The following SRFBP1 variants were observed in gnomAD, a reference collection of about 807,000 sequenced individuals.
The protein encoded by SRFBP1 is serum response factor-binding protein 1.
Under a neutral mutation model 45.5 loss-of-function variants are expected in SRFBP1, and 47 were observed. The observed-to-expected ratio is 1.03, with a 90% confidence interval of 0.82 to 1.32. The LOEUF (loss-of-function observed/expected upper bound fraction) is 1.32, where lower values mean the gene tolerates loss of function less well. Ranked by LOEUF, SRFBP1 falls within the 40% of genes most tolerant of loss-of-function variation. SRFBP1 has a pLI of 0.00. For synonymous variants in SRFBP1, 203 were observed against 166.3 expected (o/e 1.22, Z -1.70); for missense variants, 621 against 484.6 (o/e 1.28, Z -2.64).
chr5:122,013,207 T>C (rs1753130123), intron 4 of SRFBP1, among the ~76,000 whole-genome samples: 2 of 152,150 alleles, frequency 1.3e-5, no homozygotes, highest in African/African-American at 4.8e-5. Flanking sequence ...TATTGTAATT[T>C]TTGAATATAT....
intron 4 of SRFBP1, among the ~76,000 whole-genome samples, chr5:122,015,117 T>C (rs1217034540): frequency 6.6e-6 from 1 of 152,190 alleles, no homozygotes; most frequent in Non-Finnish European, 1.5e-5. Context: ...ATCTTCTTTT[T>C]TCCTATAACC....
chr5:122,034,033 A>T (rs1310687295), intron 2 of SRFBP1, among the ~76,000 whole-genome samples: 2 of 151,906 alleles, frequency 1.3e-5, no homozygotes, highest in African/African-American at 4.8e-5. Context: ...CATGTGGGCC[A>T]GGCTGGTCTC....
downstream of SRFBP1, chr5:122,077,777 C>G: frequency 6.5e-7 from 1 of 1,548,960 alleles, no homozygotes. The surrounding 1 kb of genome is among the most constrained non-coding windows in gnomAD (Gnocchi z 4.9). Flanking sequence ...GCCCGGGTCC[C>G]GGCGGCGCTG....
chr5:122,071,373 G>A (rs188774827), intron 2 of SRFBP1, among the ~76,000 whole-genome samples: 1 of 152,088 alleles, frequency 6.6e-6, no homozygotes, highest in Non-Finnish European at 1.5e-5. Context: ...TCAAGGTCCA[G>A]AGTCCCTGTT....
intron 2 of SRFBP1, among the ~76,000 whole-genome samples, chr5:122,075,027 T>A (rs1457036476): frequency 6.6e-6 from 1 of 152,236 alleles, no homozygotes; most frequent in East Asian, 1.9e-4. Flanking sequence ...TCTTTGAGAA[T>A]GGTTTCTGAA....
intron 2 of SRFBP1, among the ~76,000 whole-genome samples, chr5:122,042,722 A>C (rs1361995844): frequency 2.0e-5 from 3 of 152,124 alleles, no homozygotes; most frequent in African/African-American, 7.2e-5. Context: ...ATAGGTTCCA[A>C]TGCATTGTGA....
At chr5:122,023,459 A>G (rs1753404224) in intron 7 of SRFBP1, among the ~76,000 whole-genome samples, 2 of 152,176 alleles carry the variant, frequency 1.3e-5, no homozygotes, top group South Asian at 2.1e-4. Context: ...ATGATATACC[A>G]TGTATCGAGT....
Position 121,990,615 on chromosome 5 carries a change from A to C in SRFBP1, c.199-3984A>C, listed in dbSNP as rs539037449. ...GGAAATAGACATTTAAAATGTTTCT[A>C]CTCTGGTCCAGTTCTGTTCAACATG... On this transcript the variant is annotated intron_variant, in intron 3 of 7. Coordinates refer to ENST00000339397, the MANE Select transcript of SRFBP1 (RefSeq NM_152546.3). Among the ~76,000 whole-genome samples, 65 of 152,230 alleles carry C rather than the reference A, an allele frequency of 4.3e-4. 1 individual carries two copies. In the South Asian group the frequency reaches 0.013, roughly 31 times the overall value.
chr5:122,016,322 A>G (rs999972291), intron 4 of SRFBP1, among the ~76,000 whole-genome samples: 3 of 149,954 alleles, frequency 2.0e-5, no homozygotes, highest in Non-Finnish European at 4.4e-5. Context: ...ACAGAAATGT[A>G]CAAGGATGTA....
intron 2 of SRFBP1, among the ~76,000 whole-genome samples, chr5:122,039,175 T>C (rs1229163887): frequency 6.6e-6 from 1 of 152,184 alleles, no homozygotes; most frequent in Non-Finnish European, 1.5e-5. Flanking sequence ...GAATGGCAGC[T>C]TCTATTATAA....
chr5:122,016,937 A>C (rs1366920097), intron 4 of SRFBP1, among the ~76,000 whole-genome samples: 1 of 152,110 alleles, frequency 6.6e-6, no homozygotes, highest in Non-Finnish European at 1.5e-5. Context: ...GTGGTTTAAA[A>C]CTATGTAAAT....
intron 4 of SRFBP1, among the ~76,000 whole-genome samples, chr5:121,998,673 A>G (rs910647930): frequency 8.6e-5 from 13 of 151,746 alleles, no homozygotes; most frequent in African/African-American, 3.1e-4. Flanking sequence ...AAAAAAAAAA[A>G]AAACTAAGAT....
At chr5:121,977,934 A>G (rs762671824) in intron 3 of SRFBP1, among the ~76,000 whole-genome samples, 1 of 152,280 alleles carries the variant, frequency 6.6e-6, no homozygotes, top group East Asian at 1.9e-4. Context: ...AATAGTGTCC[A>G]TACTTTTAAC....
chr5:122,049,142 G>T (rs950411516), intron 2 of SRFBP1, among the ~76,000 whole-genome samples: 1 of 151,698 alleles, frequency 6.6e-6, no homozygotes, highest in Admixed American at 6.6e-5. Context: ...TGATGTTAGG[G>T]TGTCAATACA....
At chr5:122,063,773 C>T (rs1430504848) in intron 2 of SRFBP1, 1 of 151,866 alleles carries the variant, frequency 6.6e-6, no homozygotes, top group Non-Finnish European at 1.5e-5. Flanking sequence ...TAAAGATTAA[C>T]TCTCAGTGCC....
At chr5:122,055,790 T>C (rs73795214) in intron 2 of SRFBP1, among the ~76,000 whole-genome samples, 18,638 of 152,176 alleles carry the variant, frequency 0.12, 1,234 homozygotes, top group Non-Finnish European at 0.14. Flanking sequence ...ACAATGAGGA[T>C]GGTTGCTATT....
At chr5:121,974,334 G>A in intron 2 of SRFBP1, 50 bp downstream of exon 2, 1 of 1,312,330 alleles carries the variant, frequency 7.6e-7, no homozygotes, top group Non-Finnish European at 1.1e-6. Flanking sequence ...GTCAAAAGTT[G>A]TTTTTATTTG....
intron 4 of SRFBP1, among the ~76,000 whole-genome samples, chr5:122,008,715 C>A (rs1753027332): frequency 6.6e-6 from 1 of 151,990 alleles, no homozygotes; most frequent in African/African-American, 2.4e-5. Flanking sequence ...CAGGTATGAG[C>A]CCTAGAGAGT....
At chr5:121,989,412 A>C (rs1401166882) in intron 3 of SRFBP1, among the ~76,000 whole-genome samples, 1 of 152,134 alleles carries the variant, frequency 6.6e-6, no homozygotes, top group Non-Finnish European at 1.5e-5. Context: ...CTGTCTGATT[A>C]ATCATTTTAC....
Sources: allele counts gnomAD v4.1 joint callset (sites outside exome capture counted in the v4.1 genomes callset), GRCh38; gene constraint gnomAD v4.1.1; non-coding constraint Gnocchi (gnomAD v3.1); transcripts MANE v1.5; gene names NCBI Gene and HGNC (gene_info 2026-07-23, HGNC 2026-07-21).